The following CTNNBIP1 variants were observed in gnomAD, a reference collection of about 807,000 sequenced individuals.
The protein encoded by CTNNBIP1 is catenin beta interacting protein 1.
Under a neutral mutation model 11.8 loss-of-function variants are expected in CTNNBIP1, and 7 were observed. The ratio of observed to expected loss-of-function variants is 0.60; its 90% CI spans 0.34 to 1.12. The LOEUF (loss-of-function observed/expected upper bound fraction) is 1.12, where lower values mean the gene tolerates loss of function less well. CTNNBIP1 is among the 50% of genes most tolerant of loss of function. The pLI is 0.03. For synonymous variants in CTNNBIP1, 58 were observed against 43.9 expected (o/e 1.32, Z -1.26); for missense variants, 101 against 113.4 (o/e 0.89, Z 0.50).
intron 1 of CTNNBIP1, among the ~76,000 whole-genome samples, chr1:9,888,854 T>G (rs776216773): frequency 1.5e-4 from 23 of 152,106 alleles, no homozygotes; most frequent in Non-Finnish European, 2.6e-4. Context: ...GGTCCAGAGC[T>G]CTCTGATGAA....
chr1:9,875,367 C>T (rs1200396808), intron 3 of CTNNBIP1, among the ~76,000 whole-genome samples: 1 of 152,242 alleles, frequency 6.6e-6, no homozygotes. Context: ...AGCGTCAGTT[C>T]CATATCAAAG....
At chr1:9,895,559 G>T (rs1404879790) in intron 1 of CTNNBIP1, among the ~76,000 whole-genome samples, 1 of 145,666 alleles carries the variant, frequency 6.9e-6, no homozygotes, top group Non-Finnish European at 1.5e-5. Flanking sequence ...GCAGTGGCAC[G>T]ATCTCGGCTC....
At chr1:9,907,372 T>C (rs1156630367) in intron 1 of CTNNBIP1, among the ~76,000 whole-genome samples, 1 of 152,182 alleles carries the variant, frequency 6.6e-6, no homozygotes, top group Non-Finnish European at 1.5e-5. Context: ...GTTTTCACCA[T>C]GTTGCCCAGG....
chr1:9,898,478 C>A (rs1368106536), intron 1 of CTNNBIP1, among the ~76,000 whole-genome samples: 2 of 152,000 alleles, frequency 1.3e-5, no homozygotes, highest in Non-Finnish European at 2.9e-5. Flanking sequence ...GAGCCAAGAT[C>A]GTGCCACTGC....
Position 9,872,119 on chromosome 1 carries a change from A to G in CTNNBIP1, c.-24-31T>C, listed in dbSNP as rs1638876692. 1 of 1,350,194 alleles carries G rather than the reference A, an allele frequency of 7.4e-7. No individual in the cohort carries two copies. Among genetic ancestry groups the G allele is most frequent in the African/African-American group, 1.4e-5 (1 of 69,868 alleles). 83.6% of individuals were successfully genotyped at this position (1,350,194 alleles called of 1,614,324 possible). ...GAGCAAGCAACAGCATCAAAAGGGA[A>G]GAGATCAGGATGTGACATACTGGGA... On this transcript the variant is annotated intron_variant, in intron 3 of 5. Coordinates refer to ENST00000377263, the MANE Select transcript of CTNNBIP1 (RefSeq NM_020248.3). This position sits in a 1 kb window ranked among gnomAD's most constrained non-coding sequence, Gnocchi z 4.0.
At chr1:9,889,691 G>A (rs1639259061) in intron 1 of CTNNBIP1, among the ~76,000 whole-genome samples, 1 of 152,170 alleles carries the variant, frequency 6.6e-6, no homozygotes, top group South Asian at 2.1e-4. Context: ...CCACCAGACT[G>A]GAAGCTCTTT....
At chr1:9,901,063 G>A (rs1639511079) in intron 1 of CTNNBIP1, among the ~76,000 whole-genome samples, 1 of 152,130 alleles carries the variant, frequency 6.6e-6, no homozygotes, top group South Asian at 2.1e-4. Context: ...AGTACTAACA[G>A]CTTCACGTAT....
rs1472357377 is a variant in CTNNBIP1 at position 9,871,316 on chromosome 1, C to T, written c.97-39G>A. 1 of 1,473,560 alleles carries T rather than the reference C, an allele frequency of 6.8e-7. No individual in the cohort carries two copies. Among genetic ancestry groups the T allele is most frequent in the South Asian group, 1.2e-5 (1 of 82,720 alleles). 91.3% of individuals were successfully genotyped at this position (1,473,560 alleles called of 1,614,324 possible). A position where few individuals can be genotyped will look rare whatever the true frequency, so the allele number is the denominator to read the frequency against. On this transcript the variant is annotated intron_variant, in intron 4 of 5. Transcript: ENST00000377263. This position sits in a 1 kb window ranked among gnomAD's most constrained non-coding sequence, Gnocchi z 5.2. ...GAGCTGTGGTGAGGGGCAGCATGCACCTGTTCCCTGAAAGGCACCTGCACC... is the reference window on the plus strand; with the variant it reads ...GAGCTGTGGTGAGGGGCAGCATGCATCTGTTCCCTGAAAGGCACCTGCACC...
chr1:9,894,871 G>A (rs1410245550), intron 1 of CTNNBIP1, among the ~76,000 whole-genome samples: 7 of 149,960 alleles, frequency 4.7e-5, no homozygotes, highest in Admixed American at 6.6e-5. Flanking sequence ...CTCCTGACTA[G>A]CTAGGATCAC....
At chr1:9,901,584 C>T (rs1330658947) in intron 1 of CTNNBIP1, among the ~76,000 whole-genome samples, 2 of 152,148 alleles carry the variant, frequency 1.3e-5, no homozygotes, top group East Asian at 1.9e-4. Flanking sequence ...TTGGGTGCTA[C>T]TCGGGCCTGA....
At chr1:9,866,848 C>CCAGCCCCAGA (rs1638757550) in intron 5 of CTNNBIP1, among the ~76,000 whole-genome samples, 1 of 151,734 alleles carries the variant, frequency 6.6e-6, no homozygotes, top group Non-Finnish European at 1.5e-5. Context: ...TGGGCTCAGT[C>CCAGCCCCAGA]CAAGAGGGGG....
At chr1:9,905,909 T>C (rs1170184852) in intron 1 of CTNNBIP1, among the ~76,000 whole-genome samples, 1 of 152,178 alleles carries the variant, frequency 6.6e-6, no homozygotes, top group East Asian at 1.9e-4. Context: ...ACAAATATTT[T>C]CAGAGTACTA....
At chr1:9,880,406 C>T (rs565720037) in intron 2 of CTNNBIP1, among the ~76,000 whole-genome samples, 3 of 152,250 alleles carry the variant, frequency 2.0e-5, no homozygotes, top group Admixed American at 6.5e-5. Context: ...GGTTCCAAGT[C>T]TTTGCTATTG....
At chr1:9,884,739 C>T (rs1227820784) in intron 1 of CTNNBIP1, among the ~76,000 whole-genome samples, 2 of 152,118 alleles carry the variant, frequency 1.3e-5, no homozygotes, top group Non-Finnish European at 2.9e-5. Flanking sequence ...ATCCTTAGCA[C>T]ACAGGAAAAA....
rs141371144 is a variant in CTNNBIP1, at chr1:9,856,503, G to A, written c.188-5727C>T. On this transcript the variant is annotated intron_variant, in intron 5 of 5. Coordinates refer to ENST00000377263, the MANE Select transcript of CTNNBIP1 (RefSeq NM_020248.3). Reference sequence around the variant, plus strand: ...GGTAAGGGACTATTACGCAAAATACGTAAAAAATTCTTTTTTTTTTTTTTT... The same window carrying A: ...GGTAAGGGACTATTACGCAAAATACATAAAAAATTCTTTTTTTTTTTTTTT... Among the ~76,000 whole-genome samples the A allele has an allele frequency of 3.8e-3, 554 of 147,524 alleles. 10 individuals carry two copies. The highest frequency in any genetic ancestry group is 0.018 in the Admixed American group (273 of 14,876).
chr1:9,884,664 C>T (rs537405653), intron 1 of CTNNBIP1, among the ~76,000 whole-genome samples: 2 of 152,090 alleles, frequency 1.3e-5, no homozygotes, highest in African/African-American at 2.4e-5. Context: ...AAAAACCAGC[C>T]CCAAATGCGT....
rs70998316 is a variant in CTNNBIP1, at chr1:9,891,781, ATTTTTTTTTTTTTTTTT to A, written c.-143-8060_-143-8044del. Reference sequence around the variant, plus strand: ...ATAAAGTAAGACCCCATCTCTTTAAATTTTTTTTTTTTTTTTTTTTTTTTTTTTTGGAGATGGGGTCT... The same window carrying A: ...ATAAAGTAAGACCCCATCTCTTTAAATTTTTTTTTTTTGGAGATGGGGTCT... On this transcript the variant is annotated intron_variant, in intron 1 of 5. Coordinates refer to ENST00000377263, the MANE Select transcript of CTNNBIP1 (RefSeq NM_020248.3). 4.4e-3 allele frequency among the ~76,000 whole-genome samples: 362 copies of A among 81,466 alleles called. 1 individual carries two copies. The highest frequency in any genetic ancestry group is 0.016 in the African/African-American group (317 of 20,052). The allele number at this position is 81,466 out of a possible 152,430, so 53.4% of individuals were successfully genotyped here.
rs1423117736 is a variant in CTNNBIP1, at chr1:9,908,067, A to AC, written c.-144+2027dup. Among the ~76,000 whole-genome samples the AC allele has an allele frequency of 4.6e-5, 7 of 151,876 alleles. No individual in the cohort carries two copies. The East Asian group carries it at 1.2e-3, about 25-fold the overall frequency. ...TTTGATCTACAGGTTCTTTTTCTCCACCCCCGCCCAAGACGGAGTTTTGCT... is the reference window on the plus strand; with the variant it reads ...TTTGATCTACAGGTTCTTTTTCTCCACCCCCCGCCCAAGACGGAGTTTTGCT... On this transcript the variant is annotated intron_variant, in intron 1 of 5. Coordinates refer to ENST00000377263, the MANE Select transcript of CTNNBIP1 (RefSeq NM_020248.3).
At chr1:9,887,480 G>A (rs1242927956) in intron 1 of CTNNBIP1, among the ~76,000 whole-genome samples, 2 of 152,192 alleles carry the variant, frequency 1.3e-5, no homozygotes, top group Admixed American at 1.3e-4. Flanking sequence ...ACTTTGGAAG[G>A]TGGAGGCGGG....
Sources: gnomAD v4.1 joint callset for allele counts (sites outside exome capture counted in the v4.1 genomes callset) on GRCh38, gnomAD v4.1.1 for gene constraint, Gnocchi (gnomAD v3.1) non-coding constraint, MANE v1.5 for transcripts, NCBI Gene and HGNC (gene_info 2026-07-23, HGNC 2026-07-21) for gene names.